The following PRSS16 variants were observed in gnomAD, a reference collection of about 807,000 sequenced individuals.
PRSS16 encodes serine protease 16, also known as thymus-specific serine protease.
In PRSS16, 43 loss-of-function variants were observed where a neutral mutation model predicts 61.7. The ratio of observed to expected loss-of-function variants is 0.70; its 90% CI spans 0.55 to 0.90. The LOEUF (loss-of-function observed/expected upper bound fraction) is 0.90, where lower values mean the gene tolerates loss of function less well. Ranked by LOEUF, PRSS16 falls within the 40% of genes least tolerant of loss-of-function variation. The pLI is 0.00. For missense variants in PRSS16, 591 were observed against 659.1 expected, an observed-to-expected ratio of 0.90 and a Z score of 1.13; for synonymous variants, 273 against 285.2, an observed-to-expected ratio of 0.96 and a Z score of 0.43.
intron 2 of PRSS16, among the ~76,000 whole-genome samples, chr6:27,248,505 T>C (rs1761268637): frequency 6.6e-6 from 1 of 152,152 alleles, no homozygotes; most frequent in Non-Finnish European, 1.5e-5. Flanking sequence ...TCTCCAAATA[T>C]CATCCCACTT....
At chr6:27,248,105 C>T in intron 2 of PRSS16, 57 bp downstream of exon 2, 1 of 1,551,676 alleles carries the variant, frequency 6.4e-7, no homozygotes, top group Non-Finnish European at 8.7e-7. Context: ...CAGTCTCCCT[C>T]ATCTCTTCCT....
chr6:27,250,287 G>C (rs1164873946), intron 4 of PRSS16, among the ~76,000 whole-genome samples: 1 of 152,156 alleles, frequency 6.6e-6, no homozygotes, highest in East Asian at 1.9e-4. Flanking sequence ...CTTTGTGTCT[G>C]TTCTCTCTCC....
rs148120004 is a variant in PRSS16 at position 27,254,982 on chromosome 6, C to A, written c.1331-4C>A. On this transcript the variant is annotated splice_region_variant and splice_polypyrimidine_tract_variant and intron_variant, in intron 10 of 11. Transcript: ENST00000230582. Reference sequence around the variant, plus strand: ...CCTAGCCCCATCCTATCCTTTCTTTCCAGGGGACACAGACCCCTGGCATGT... The same window carrying A: ...CCTAGCCCCATCCTATCCTTTCTTTACAGGGGACACAGACCCCTGGCATGT... The A allele has an allele frequency of 3.0e-4, 488 of 1,613,036 alleles. 1 individual carries two copies. The African/African-American group carries it at 5.8e-3, about 19-fold the overall frequency.
chr6:27,251,097 T>C lies in PRSS16; in HGVS notation c.647T>C (p.Leu216Pro). ...TCCTCCGCCCCGGTGCGGGCCGTGC[T>C]GGATTTCTCCGAGTATAATGACGTA... ...VASSAPVRAV[L>P]DFSEYNDVVS... The change falls in exon 6 of 12, where the codon CTG (leucine) becomes CCG (proline). Residue 216 changes from leucine to proline, a missense_variant. Physicochemically the swap from Leu to Pro is moderately conservative, Grantham distance 98 (BLOSUM62 -3). Coordinates refer to ENST00000230582, the MANE Select transcript of PRSS16 (RefSeq NM_005865.4). The surrounding 1 kb of genome is among the most constrained non-coding windows in gnomAD (Gnocchi z 5.6). 1.2e-6 allele frequency: 2 copies of C among 1,614,156 alleles called. No individual in the cohort carries two copies. The highest frequency in any genetic ancestry group is 1.3e-5 in the African/African-American group (1 of 75,064).
In PRSS16 at chr6:27,251,155, G is replaced by T; in HGVS notation, c.669+36G>T. On this transcript the variant is annotated intron_variant, in intron 6 of 11. Transcript: ENST00000230582. The surrounding 1 kb of genome is among the most constrained non-coding windows in gnomAD (Gnocchi z 5.6). ...CGGGCAGCAGGTGCGGGACGGGGAGGGGTCCCAGCGGGCGGAGTCCCTTGA... is the reference window on the plus strand; with the variant it reads ...CGGGCAGCAGGTGCGGGACGGGGAGTGGTCCCAGCGGGCGGAGTCCCTTGA... 1 of 1,613,988 alleles carries T rather than the reference G, an allele frequency of 6.2e-7. No homozygotes were observed. The highest frequency in any genetic ancestry group is 8.5e-7 in the Non-Finnish European group (1 of 1,179,980).
At position 27,255,598 on chromosome 6, in the gene PRSS16, C is replaced by T. The variant is rs1452365597; in HGVS notation, c.*283C>T. ...CAAATGTGACTTATGCTGGTGCCCT[C>T]GCCCTGCTGATCAGATTCTGGTTCA... On this transcript the variant is annotated 3_prime_UTR_variant, in exon 12 of 12. Transcript: ENST00000230582. This position sits in a 1 kb window ranked among gnomAD's most constrained non-coding sequence, Gnocchi z 4.4. The T allele has an allele frequency of 6.1e-6, 2 of 328,476 alleles. No homozygotes were observed. The highest frequency in any genetic ancestry group is 1.2e-5 in the Non-Finnish European group (2 of 173,268). The allele number at this position is 328,476 out of a possible 1,614,324, so 20.3% of individuals were successfully genotyped here.
Position 27,251,169 on chromosome 6 carries a change from G to A in PRSS16, c.670-48G>A, listed in dbSNP as rs1375416179. On this transcript the variant is annotated intron_variant, in intron 6 of 11. Transcript: ENST00000230582. This position sits in a 1 kb window ranked among gnomAD's most constrained non-coding sequence, Gnocchi z 5.6. The stretch of plus-strand genomic sequence containing the variant: ...GGGACGGGGAGGGGTCCCAGCGGGC[G>A]GAGTCCCTTGACACTTCCGGATACC... 6.2e-7 allele frequency: 1 copy of A among 1,613,990 alleles called. No individual in the cohort carries two copies. The highest frequency in any genetic ancestry group is 1.7e-5 in the Admixed American group (1 of 60,030).
intron 4 of PRSS16, among the ~76,000 whole-genome samples, chr6:27,250,117 C>G (rs1759844245): frequency 6.6e-6 from 1 of 152,196 alleles, no homozygotes; most frequent in African/African-American, 2.4e-5. Context: ...GTCTCCATCT[C>G]TGTCTCTCTG....
At position 27,250,675 on chromosome 6, in the gene PRSS16, G is replaced by A. The variant is rs771635009; in HGVS notation, c.468-8G>A. 1 of 1,600,916 alleles carries A rather than the reference G, an allele frequency of 6.2e-7. No homozygotes were observed. Among genetic ancestry groups the A allele is most frequent in the Admixed American group, 1.7e-5 (1 of 57,798 alleles). On this transcript the variant is annotated splice_polypyrimidine_tract_variant and splice_region_variant and intron_variant, in intron 4 of 11. Coordinates refer to ENST00000230582, the MANE Select transcript of PRSS16 (RefSeq NM_005865.4). ...TGAGGACCGACCGAGTCCCCCCTTT[G>A]ACCCTAGGCTGGCTGATGTGGTCTC... is the stretch of plus-strand genomic sequence containing the variant.
In PRSS16 at chr6:27,254,674, C is replaced by T. The variant is rs1759989587; in HGVS notation, c.1151-19C>T. On this transcript the variant is annotated intron_variant, in intron 9 of 11. Coordinates refer to ENST00000230582, the MANE Select transcript of PRSS16 (RefSeq NM_005865.4). ...TGGGCTGCCTGTATACCCACACTTACAGGTATCTCCCTACACAGATGTCAC... is the reference window on the plus strand; with the variant it reads ...TGGGCTGCCTGTATACCCACACTTATAGGTATCTCCCTACACAGATGTCAC... The T allele has an allele frequency of 6.3e-7, 1 of 1,593,002 alleles. No individual in the cohort carries two copies.
chr6:27,250,637 G>T (rs777997288), intron 4 of PRSS16, 46 bp from the exon 5 acceptor site: 2 of 1,527,098 alleles, frequency 1.3e-6, no homozygotes, highest in Admixed American at 2.2e-5. Context: ...AAATCTTCAG[G>T]GATTCCCAGC....
chr6:27,251,363 C>G lies in PRSS16; in HGVS notation c.717+99C>G. 2 of 1,429,332 alleles carry G rather than the reference C, an allele frequency of 1.4e-6. No homozygotes were observed. Among genetic ancestry groups the G allele is most frequent in the South Asian group, 2.7e-5 (2 of 73,066 alleles). The allele number at this position is 1,429,332 out of a possible 1,614,324, so 88.5% of individuals were successfully genotyped here. A position where few individuals can be genotyped will look rare whatever the true frequency, so the allele number is the denominator to read the frequency against. On this transcript the variant is annotated intron_variant, in intron 7 of 11. Transcript: ENST00000230582. This position sits in a 1 kb window ranked among gnomAD's most constrained non-coding sequence, Gnocchi z 5.6. The stretch of plus-strand genomic sequence containing the variant: ...GAGAAGGGCGAAACCTGCAACGTGG[C>G]GGGGTCTAAGGAAGGTCGGAGCTCG...
Position 27,251,188 on chromosome 6 carries a change from G to A in PRSS16, c.670-29G>A, listed in dbSNP as rs1440072255. 1.2e-6 allele frequency: 2 copies of A among 1,613,704 alleles called. No individual in the cohort carries two copies. The highest frequency in any genetic ancestry group is 2.2e-5 in the South Asian group (2 of 91,066). ...GCGGGCGGAGTCCCTTGACACTTCC[G>A]GATACCTTCCTCTGCGGTCCGCCCA... On this transcript the variant is annotated intron_variant, in intron 6 of 11. Coordinates refer to ENST00000230582, the MANE Select transcript of PRSS16 (RefSeq NM_005865.4). The surrounding 1 kb of genome is among the most constrained non-coding windows in gnomAD (Gnocchi z 5.6).
chr6:27,255,675 T>C lies in PRSS16; in HGVS notation c.*360T>C, dbSNP rs1428356577. 2 of 226,848 alleles carry C rather than the reference T, an allele frequency of 8.8e-6. No homozygotes were observed. Among genetic ancestry groups the C allele is most frequent in the Non-Finnish European group, 1.8e-5 (2 of 112,976 alleles). The allele number at this position is 226,848 out of a possible 1,614,324, so 14.1% of individuals were successfully genotyped here. A position where few individuals can be genotyped will look rare whatever the true frequency, so the allele number is the denominator to read the frequency against. On this transcript the variant is annotated 3_prime_UTR_variant, in exon 12 of 12. Transcript: ENST00000230582. This position sits in a 1 kb window ranked among gnomAD's most constrained non-coding sequence, Gnocchi z 4.4. The stretch of plus-strand genomic sequence containing the variant: ...AGGGGCTTTGCTGTAAGTTTCTTTT[T>C]CTGGACTTTAGATCCTGAACCTGTC...
intron 5 of PRSS16, 71 bp from the exon 6 acceptor site, chr6:27,250,971 G>C (rs1338402761): frequency 3.1e-6 from 5 of 1,593,514 alleles, no homozygotes; most frequent in Non-Finnish European, 3.4e-6. Context: ...CAGCGAGTAA[G>C]TGACACAGAG....
Position 27,251,395 on chromosome 6 carries a change from T to C in PRSS16, c.717+131T>C. On this transcript the variant is annotated intron_variant, in intron 7 of 11. Coordinates refer to ENST00000230582, the MANE Select transcript of PRSS16 (RefSeq NM_005865.4). This position sits in a 1 kb window ranked among gnomAD's most constrained non-coding sequence, Gnocchi z 5.6. ...TAAGGAAGGTCGGAGCTCGGGGGAA[T>C]ACGCAGGTTTTGGAAGAAGGCGGGA... 4.2e-6 allele frequency: 5 copies of C among 1,194,394 alleles called. No individual in the cohort carries two copies. The highest frequency in any genetic ancestry group is 5.7e-6 in the Non-Finnish European group (5 of 876,976). 74.0% of individuals were successfully genotyped at this position (1,194,394 alleles called of 1,614,324 possible). A position where few individuals can be genotyped will look rare whatever the true frequency, so the allele number is the denominator to read the frequency against.
chr6:27,254,170 A>G (rs1365150373), intron 9 of PRSS16: 2 of 153,294 alleles, frequency 1.3e-5, no homozygotes, highest in East Asian at 1.9e-4. Flanking sequence ...CTTGGTTGCC[A>G]CCATGTGCCC....
In PRSS16 at chr6:27,254,969, C is replaced by T; in HGVS notation, c.1331-17C>T. ...CAGCACCCATCTACCTAGCCCCATC[C>T]TATCCTTTCTTTCCAGGGGACACAG... On this transcript the variant is annotated splice_polypyrimidine_tract_variant and intron_variant, in intron 10 of 11. Coordinates refer to ENST00000230582, the MANE Select transcript of PRSS16 (RefSeq NM_005865.4). 1.2e-6 allele frequency: 2 copies of T among 1,612,866 alleles called. No homozygotes were observed. Among genetic ancestry groups the T allele is most frequent in the Non-Finnish European group, 1.7e-6 (2 of 1,178,906 alleles).
At chr6:27,250,049 AAC>A (rs1759843159) in intron 4 of PRSS16, among the ~76,000 whole-genome samples, 2 of 152,242 alleles carry the variant, frequency 1.3e-5, no homozygotes. Context: ...CTGTGTCTGT[AAC>A]AGTCTGTTTG....
Sources: allele counts gnomAD v4.1 joint callset (sites outside exome capture counted in the v4.1 genomes callset), GRCh38; gene constraint gnomAD v4.1.1; non-coding constraint Gnocchi (gnomAD v3.1); transcripts MANE v1.5; gene names NCBI Gene and HGNC (gene_info 2026-07-23, HGNC 2026-07-21).